The following RANBP2 variants were observed in gnomAD, a reference collection of about 807,000 sequenced individuals.
RANBP2 encodes RAN binding protein 2.
A neutral mutation model predicts 303.6 loss-of-function variants in RANBP2; 57 were observed. That is an observed-to-expected ratio of 0.19 (90% CI 0.15 to 0.23). The LOEUF is 0.23. RANBP2 is among the 10% of genes least tolerant of loss of function. RANBP2 has a pLI of 1.00. For synonymous variants in RANBP2, 1,167 were observed against 1,301.5 expected, an observed-to-expected ratio of 0.90 and a Z score of 2.23; for missense variants, 3,138 against 3,780.8, an observed-to-expected ratio of 0.83 and a Z score of 4.46.
chr2:109,432,229 G>A, the RANBP2 span, among the ~76,000 whole-genome samples: 1 of 152,184 alleles, frequency 6.6e-6, no homozygotes, highest in Non-Finnish European at 1.5e-5. Flanking sequence ...CTATCTGTCA[G>A]ATGGGCAGGT....
chr2:109,279,281 C>G, the RANBP2 span, among the ~76,000 whole-genome samples: 5 of 152,292 alleles, frequency 3.3e-5, no homozygotes, highest in Non-Finnish European at 5.9e-5. Flanking sequence ...CTTTGTTCTT[C>G]CAAGGTTAAC....
chr2:108,854,554 A>G, the RANBP2 span, among the ~76,000 whole-genome samples: 1 of 152,284 alleles, frequency 6.6e-6, no homozygotes, highest in African/African-American at 2.4e-5. Context: ...TGAGATCAGA[A>G]TTGAGGTCTG....
the RANBP2 span, among the ~76,000 whole-genome samples, chr2:108,893,591 T>TA: frequency 0.09 from 13,286 of 148,354 alleles, 807 homozygotes; most frequent in Middle Eastern, 0.17. Context: ...CACTTGTGCT[T>TA]AAAAAACAAA....
chr2:109,514,529 G>A, the RANBP2 span, among the ~76,000 whole-genome samples: 1 of 152,192 alleles, frequency 6.6e-6, no homozygotes, highest in Non-Finnish European at 1.5e-5. Context: ...CCTGTGTGCA[G>A]GCCAGGCGGG....
chr2:109,611,320 AAAT>A, the RANBP2 span, among the ~76,000 whole-genome samples: 1 of 152,252 alleles, frequency 6.6e-6, no homozygotes, highest in African/African-American at 2.4e-5. Flanking sequence ...CCATAAAAGG[AAAT>A]AATGATAAAT....
the RANBP2 span, among the ~76,000 whole-genome samples, chr2:109,575,778 C>A: frequency 6.6e-6 from 1 of 152,180 alleles, no homozygotes; most frequent in Non-Finnish European, 1.5e-5. Context: ...TGAACCAGTA[C>A]CTTGAGCAGC....
the RANBP2 span, chr2:108,812,651 A>C: frequency 6.2e-7 from 1 of 1,612,862 alleles, no homozygotes; most frequent in Non-Finnish European, 8.5e-7. Context: ...CAAGTGAAGA[A>C]AACAGGAAGA....
the RANBP2 span, among the ~76,000 whole-genome samples, chr2:109,114,567 T>G: frequency 6.6e-6 from 1 of 152,006 alleles, no homozygotes. Flanking sequence ...ATTTTGTTGA[T>G]CCTTTCAAAA....
Position 108,753,848 on chromosome 2 carries a change from C to T in RANBP2, c.2079C>T (p.Asp693=), listed in dbSNP as rs1225805787. 1 of 1,611,926 alleles carries T rather than the reference C, an allele frequency of 6.2e-7. No individual in the cohort carries two copies. The highest frequency in any genetic ancestry group is 1.7e-5 in the Admixed American group (1 of 60,012). The change falls in exon 15 of 29, where the codon GAC becomes GAT. Residue 693 remains aspartate (D), a synonymous_variant. Coordinates refer to ENST00000283195, the MANE Select transcript of RANBP2 (RefSeq NM_006267.5). ...LALIFHRKAE[D]IENDALSPEE... ...AGATTTTTCACAGGAAGGCAGAAGA[C>T]ATTGAAAATGATGCCCTTTCTCCTG...
At chr2:108,998,780 T>C in the RANBP2 span, among the ~76,000 whole-genome samples, 17 of 152,326 alleles carry the variant, frequency 1.1e-4, no homozygotes, top group East Asian at 3.3e-3. Flanking sequence ...TCTTCCCATT[T>C]TTAAATATGG....
the RANBP2 span, among the ~76,000 whole-genome samples, chr2:109,587,585 G>A: frequency 6.6e-6 from 1 of 152,010 alleles, no homozygotes; most frequent in African/African-American, 2.4e-5. Flanking sequence ...CTCACATCTA[G>A]GGACATCACA....
At chr2:108,850,205 TAACTC>T in the RANBP2 span, among the ~76,000 whole-genome samples, 1 of 152,176 alleles carries the variant, frequency 6.6e-6, no homozygotes, top group African/African-American at 2.4e-5. Flanking sequence ...AGAGTAGACT[TAACTC>T]TAGTAAGAAG....
At chr2:109,614,546 G>A in the RANBP2 span, 1 of 1,318,220 alleles carries the variant, frequency 7.6e-7, no homozygotes. Context: ...AGGCGGTGCT[G>A]CGCTTCCTGG....
chr2:108,749,639 T>C (rs1675693313), intron 9 of RANBP2, among the ~76,000 whole-genome samples: 1 of 152,174 alleles, frequency 6.6e-6, no homozygotes, highest in South Asian at 2.1e-4. Context: ...TCACCTGGGC[T>C]GGAGTGTAGT....
the RANBP2 span, among the ~76,000 whole-genome samples, chr2:109,313,301 C>T: frequency 1.4e-4 from 21 of 152,216 alleles, no homozygotes; most frequent in African/African-American, 5.1e-4. Context: ...TACATCCATC[C>T]CAAGGGGGGA....
chr2:109,471,808 CT>C, the RANBP2 span, among the ~76,000 whole-genome samples: 2 of 152,190 alleles, frequency 1.3e-5, no homozygotes, highest in Non-Finnish European at 2.9e-5. Context: ...CTTGTCCTGC[CT>C]TTTTGCATGG....
At chr2:109,455,266 G>C in the RANBP2 span, among the ~76,000 whole-genome samples, 1 of 152,168 alleles carries the variant, frequency 6.6e-6, no homozygotes, top group African/African-American at 2.4e-5. Flanking sequence ...CTTGGGGGGA[G>C]AAAGGGCCCT....
chr2:109,472,888 C>T, the RANBP2 span, among the ~76,000 whole-genome samples: 1 of 152,218 alleles, frequency 6.6e-6, no homozygotes, highest in Non-Finnish European at 1.5e-5. Context: ...GACAGCCCTG[C>T]TCCAGCCTCT....
the RANBP2 span, among the ~76,000 whole-genome samples, chr2:108,996,787 T>C: frequency 6.6e-6 from 1 of 152,142 alleles, no homozygotes; most frequent in African/African-American, 2.4e-5. Context: ...ATGTCACATC[T>C]GATGCGGGCT....
Sources: allele counts gnomAD v4.1 joint callset (sites outside exome capture counted in the v4.1 genomes callset), GRCh38; gene constraint gnomAD v4.1.1; transcripts MANE v1.5; gene names NCBI Gene and HGNC (gene_info 2026-07-23, HGNC 2026-07-21).